Variants in MARCHF11 observed in about 807,000 individuals in gnomAD.
The protein encoded by MARCHF11 is E3 ubiquitin-protein ligase MARCHF11.
A neutral mutation model predicts 37.3 loss-of-function variants in MARCHF11; 29 were observed. The ratio of observed to expected loss-of-function variants is 0.78; its 90% CI spans 0.58 to 1.06. The LOEUF is 1.06. Ranked by LOEUF, MARCHF11 falls within the 50% of genes least tolerant of loss-of-function variation. MARCHF11 has a pLI of 0.00. For synonymous variants in MARCHF11, 233 were observed against 228.0 expected, an observed-to-expected ratio of 1.02 and a Z score of -0.20; for missense variants, 482 against 533.4, an observed-to-expected ratio of 0.90 and a Z score of 0.95.
intron 3 of MARCHF11, among the ~76,000 whole-genome samples, chr5:16,089,042 T>C (rs960668409): frequency 6.6e-6 from 1 of 152,042 alleles, no homozygotes; most frequent in African/African-American, 2.4e-5. Context: ...AAAATATTAA[T>C]ATTAGTCATC....
At chr5:16,141,927 AT>A (rs1737714480) in intron 2 of MARCHF11, among the ~76,000 whole-genome samples, 1 of 152,204 alleles carries the variant, frequency 6.6e-6, no homozygotes, top group African/African-American at 2.4e-5. Context: ...ATATTGCTGC[AT>A]TCGTGGGGGG....
At chr5:16,178,418 T>C (rs1036195636) in intron 1 of MARCHF11, among the ~76,000 whole-genome samples, 3 of 152,236 alleles carry the variant, frequency 2.0e-5, no homozygotes, top group African/African-American at 7.2e-5. Context: ...TATGCTATCA[T>C]TTCCTCTGCA....
At chr5:16,159,031 CCATTCCACAGTGTATG>C (rs1157725412) in intron 2 of MARCHF11, among the ~76,000 whole-genome samples, 3 of 151,798 alleles carry the variant, frequency 2.0e-5, no homozygotes, top group Non-Finnish European at 4.4e-5. Context: ...CTCAATTTAG[CCATTCCACAGTGTATG>C]CATATTCCAA....
At chr5:16,113,897 T>C (rs1288212009) in intron 2 of MARCHF11, among the ~76,000 whole-genome samples, 2 of 152,190 alleles carry the variant, frequency 1.3e-5, no homozygotes, top group African/African-American at 4.8e-5. Context: ...ACTGTATGTT[T>C]GTACCCAAAC....
chr5:16,102,936 A>G (rs2126564609), intron 2 of MARCHF11, among the ~76,000 whole-genome samples: 4 of 152,312 alleles, frequency 2.6e-5, no homozygotes. Context: ...CACAAGTTCC[A>G]TGAAGGGGTC....
Position 16,179,349 on chromosome 5 carries a change from C to A in MARCHF11, c.227G>T (p.Cys76Phe). ...SEPLGEVAPR[C>F]RGADELPPPP... ...AGGCGGCAGCTCGTCCGCTCCCCTG[C>A]ACCGCGGGGCCACCTCCCCTAGCGG... is the stretch of plus-strand genomic sequence containing the variant. The change falls in exon 1 of 4, where the codon TGC (cysteine) becomes TTC (phenylalanine). Residue 76 changes from cysteine to phenylalanine, a missense_variant. Transcript: ENST00000332432. 8.4e-6 allele frequency: 10 copies of A among 1,187,594 alleles called. No individual in the cohort carries two copies. Among genetic ancestry groups the A allele is most frequent in the Non-Finnish European group, 1.0e-5 (10 of 960,028 alleles). The allele number at this position is 1,187,594 out of a possible 1,614,324, so 73.6% of individuals were successfully genotyped here.
intron 2 of MARCHF11, among the ~76,000 whole-genome samples, chr5:16,151,384 C>T (rs1737884378): frequency 6.6e-6 from 1 of 151,844 alleles, no homozygotes; most frequent in African/African-American, 2.4e-5. Context: ...TAGCATGAGC[C>T]CCCTAAGGTG....
At chr5:16,151,987 G>T (rs1001860791) in intron 2 of MARCHF11, among the ~76,000 whole-genome samples, 1 of 151,946 alleles carries the variant, frequency 6.6e-6, no homozygotes, top group African/African-American at 2.4e-5. Flanking sequence ...AATTTGGTTA[G>T]CTAGCACTTT....
At position 16,179,163 on chromosome 5, in the gene MARCHF11, T is replaced by C. The variant is rs1246202617; in HGVS notation, c.413A>G (p.Gln138Arg). Residue 138 changes from glutamine to arginine, a missense_variant, in exon 1 of 4, where the codon CAG (glutamine) becomes CGG (arginine). By Grantham distance (43) the Gln-to-Arg change is conservative. Transcript: ENST00000332432. Reference sequence around the variant, plus strand: ...GCTGCACACCGAGCGCGTCTCGGGCTGGTCTCCGGCGCCCCGCCGCTCGCG... The same window carrying C: ...GCTGCACACCGAGCGCGTCTCGGGCCGGTCTCCGGCGCCCCGCCGCTCGCG... ...GERERRGAGD[Q>R]PETRSVCSSR... 1 of 1,421,480 alleles carries C rather than the reference T, an allele frequency of 7.0e-7. No individual in the cohort carries two copies. Among genetic ancestry groups the C allele is most frequent in the Non-Finnish European group, 9.1e-7 (1 of 1,094,244 alleles). 88.1% of individuals were successfully genotyped at this position (1,421,480 alleles called of 1,614,324 possible).
rs1328583187 is a variant in MARCHF11, at chr5:16,073,407, G to C, written c.887-5614C>G. 2.0e-5 allele frequency among the ~76,000 whole-genome samples: 3 copies of C among 152,146 alleles called. No individual in the cohort carries two copies. The East Asian group carries it at 5.8e-4, about 29-fold the overall frequency. ...CCAGGAGTTGTGGAAACTTAGATGT[G>C]AGTGTAGAGGTAATCACTTTAAAAG... On this transcript the variant is annotated intron_variant, in intron 3 of 3. Transcript: ENST00000332432.
intron 3 of MARCHF11, among the ~76,000 whole-genome samples, chr5:16,075,494 C>A (rs1435884224): frequency 6.6e-6 from 1 of 152,180 alleles, no homozygotes; most frequent in Non-Finnish European, 1.5e-5. Context: ...CAGCTGTGTG[C>A]TCCCTGACAA....
intron 2 of MARCHF11, among the ~76,000 whole-genome samples, chr5:16,151,649 ATGTGTGTGTGTGTGTGTGTGTG>A (rs58891017): frequency 5.6e-4 from 74 of 131,498 alleles, no homozygotes; most frequent in Non-Finnish European, 1.1e-3. Context: ...CGTGAGTTGA[ATGTGTGTGTGTGTGTGTGTGTG>A]TGTGTGTGTG....
At chr5:16,097,852 G>A (rs549658865) in intron 2 of MARCHF11, among the ~76,000 whole-genome samples, 4 of 152,196 alleles carry the variant, frequency 2.6e-5, no homozygotes, top group South Asian at 2.1e-4. Flanking sequence ...GCCACACAAC[G>A]CTGATACCAA....
At chr5:16,093,012 C>T (rs565136335) in intron 2 of MARCHF11, among the ~76,000 whole-genome samples, 17 of 152,260 alleles carry the variant, frequency 1.1e-4, no homozygotes, top group South Asian at 8.3e-4. Flanking sequence ...TGGTGAGCAA[C>T]GAAGAAAATC....
At chr5:16,124,415 G>A (rs953397907) in intron 2 of MARCHF11, among the ~76,000 whole-genome samples, 1 of 152,100 alleles carries the variant, frequency 6.6e-6, no homozygotes, top group Non-Finnish European at 1.5e-5. Context: ...TCCAGACAAC[G>A]GTTCAAGGGT....
At chr5:16,131,214 A>T (rs566857469) in intron 2 of MARCHF11, among the ~76,000 whole-genome samples, 2 of 152,370 alleles carry the variant, frequency 1.3e-5, no homozygotes, top group East Asian at 3.9e-4. Context: ...TTAAGGAAGA[A>T]AGCAAATAAC....
intron 3 of MARCHF11, among the ~76,000 whole-genome samples, chr5:16,084,791 C>T (rs1322170665): frequency 1.4e-5 from 2 of 148,146 alleles, no homozygotes; most frequent in African/African-American, 2.5e-5. Flanking sequence ...ATAACTGGTA[C>T]AATAAGAAGA....
intron 2 of MARCHF11, among the ~76,000 whole-genome samples, chr5:16,125,617 CTCTGTGTGTG>C (rs1390588631): frequency 1.5e-4 from 17 of 116,924 alleles, no homozygotes; most frequent in African/African-American, 2.4e-4. Flanking sequence ...CTGGCACACT[CTCTGTGTGTG>C]TGTGTGTGTG....
intron 2 of MARCHF11, among the ~76,000 whole-genome samples, chr5:16,133,099 G>C (rs1737545951): frequency 6.6e-6 from 1 of 151,710 alleles, no homozygotes; most frequent in Non-Finnish European, 1.5e-5. Context: ...GCCTACTGTG[G>C]AAGATTGAAA....
Sources: gnomAD v4.1 joint callset for allele counts (sites outside exome capture counted in the v4.1 genomes callset) on GRCh38, gnomAD v4.1.1 for gene constraint, MANE v1.5 for transcripts, NCBI Gene and HGNC (gene_info 2026-07-23, HGNC 2026-07-21) for gene names.